The following ZNF362 variants were observed in gnomAD, a reference collection of about 807,000 sequenced individuals.
The protein encoded by ZNF362 is rotund homolog.
In ZNF362, 11 loss-of-function variants were observed where a neutral mutation model predicts 42.9. The observed-to-expected ratio is 0.26, with a 90% CI of 0.16 to 0.42. ZNF362 has a LOEUF of 0.42. ZNF362 is among the 20% of genes least tolerant of loss of function. The pLI is 1.00. For synonymous variants in ZNF362, 255 were observed against 257.3 expected (o/e 0.99, Z 0.09); for missense variants, 362 against 576.2 (o/e 0.63, Z 3.81).
the ZNF362 span, among the ~76,000 whole-genome samples, chr1:33,221,905 C>A: frequency 6.6e-6 from 1 of 152,052 alleles, no homozygotes; most frequent in African/African-American, 2.4e-5. Flanking sequence ...CTACTGTAGA[C>A]AGTTTCCTCC....
At chr1:33,274,996 A>G (rs1044795198) in intron 2 of ZNF362, 2 of 985,310 alleles carry the variant, frequency 2.0e-6, no homozygotes, top group Non-Finnish European at 2.4e-6. Context: ...CTACCATTCC[A>G]ATAGGGGTTT....
At chr1:33,175,471 A>G in the ZNF362 span, among the ~76,000 whole-genome samples, 1 of 152,208 alleles carries the variant, frequency 6.6e-6, no homozygotes, top group Non-Finnish European at 1.5e-5. Flanking sequence ...CACTGGACTG[A>G]GTCGGGAGAG....
At chr1:33,295,056 G>C in intron 7 of ZNF362, 41 bp downstream of exon 7, 1 of 1,611,168 alleles carries the variant, frequency 6.2e-7, no homozygotes. Context: ...GTGCTCTGGT[G>C]CCCCCCCACC....
At chr1:33,186,292 T>G in the ZNF362 span, among the ~76,000 whole-genome samples, 1 of 152,092 alleles carries the variant, frequency 6.6e-6, no homozygotes, top group East Asian at 1.9e-4. Flanking sequence ...TGTGCCTTTT[T>G]GTTGGTGATT....
chr1:33,191,489 TTTTTTTG>T, the ZNF362 span, among the ~76,000 whole-genome samples: 7 of 67,622 alleles, frequency 1.0e-4, no homozygotes, highest in East Asian at 4.9e-4. Context: ...TAAACATCCT[TTTTTTTG>T]TTTTTGTTTT....
chr1:33,268,466 G>A (rs1645879411), intron 1 of ZNF362, among the ~76,000 whole-genome samples: 1 of 152,214 alleles, frequency 6.6e-6, no homozygotes. Context: ...AGAGATGGAT[G>A]AGCAAACAGA....
intron 2 of ZNF362, among the ~76,000 whole-genome samples, chr1:33,275,717 C>T (rs1557791863): frequency 6.6e-6 from 1 of 152,188 alleles, no homozygotes; most frequent in Non-Finnish European, 1.5e-5. Context: ...CCCAGTTTGT[C>T]TCTGGACTTG....
the ZNF362 span, among the ~76,000 whole-genome samples, chr1:33,152,250 T>C: frequency 1.3e-5 from 2 of 152,148 alleles, no homozygotes; most frequent in Non-Finnish European, 2.9e-5. Context: ...TCCCAGCATG[T>C]GGCCCCAGAA....
chr1:33,270,445 ATTATTATTG>A (rs1309968670), intron 1 of ZNF362, 33 bp from the exon 2 acceptor site: 49 of 621,858 alleles, frequency 7.9e-5, no homozygotes, highest in Admixed American at 1.3e-4. Context: ...CTTTACTATT[ATTATTATTG>A]TTATTATTGT....
At chr1:33,145,629 A>G in the ZNF362 span, 1 of 259,106 alleles carries the variant, frequency 3.9e-6, no homozygotes, top group East Asian at 1.1e-4. Flanking sequence ...TGTGTCAGAG[A>G]CCCCAAGTGC....
At chr1:33,198,390 G>T in the ZNF362 span, among the ~76,000 whole-genome samples, 1 of 152,150 alleles carries the variant, frequency 6.6e-6, no homozygotes, top group Non-Finnish European at 1.5e-5. Context: ...TCAAAGCTGG[G>T]CATGGTGGCT....
At chr1:33,176,440 T>C in the ZNF362 span, 1 of 697,854 alleles carries the variant, frequency 1.4e-6, no homozygotes, top group African/African-American at 1.7e-5. Context: ...TCCACTGCTG[T>C]CTTCTCTGGC....
At chr1:33,285,142 G>A (rs1468958355) in intron 6 of ZNF362, among the ~76,000 whole-genome samples, 2 of 152,148 alleles carry the variant, frequency 1.3e-5, no homozygotes, top group African/African-American at 2.4e-5. Context: ...AGGCTGGCAC[G>A]GTGGCTCACC....
chr1:33,138,184 G>A, the ZNF362 span, among the ~76,000 whole-genome samples: 11 of 152,116 alleles, frequency 7.2e-5, no homozygotes, highest in African/African-American at 2.7e-4. Context: ...CATCTGCTGC[G>A]GCAGGTTCCC....
At chr1:33,218,227 G>A in the ZNF362 span, among the ~76,000 whole-genome samples, 1 of 152,152 alleles carries the variant, frequency 6.6e-6, no homozygotes, top group South Asian at 2.1e-4. Context: ...GATCACTCGA[G>A]TTCAGGAGTT....
rs367880803 is a variant in ZNF362 at position 33,298,977 on chromosome 1, C to G, written c.1194C>G (p.His398Gln). 4.5e-5 allele frequency: 73 copies of G among 1,613,732 alleles called. No individual in the cohort carries two copies. In the East Asian group the frequency reaches 9.4e-4, roughly 21 times the overall value. The stretch of plus-strand genomic sequence containing the variant: ...TGTCCAAACACACGGTGGTGGAGCA[C>G]CTGGTGAGCCATCACTCGCCCCAGA... ...KHMSKHTVVE[H>Q]LVSHHSPQRT... Residue 398 changes from histidine (H) to glutamine (Q), a missense_variant, in exon 9 of 9, where the codon CAC becomes CAG. Physicochemically the swap from His to Gln is conservative, Grantham distance 24. This residue lies in a region of ZNF362 where 68 missense variants were observed against 107.4 expected (regional missense o/e 0.63). Transcript: ENST00000539719.
At chr1:33,229,817 A>G in the ZNF362 span, among the ~76,000 whole-genome samples, 4 of 152,102 alleles carry the variant, frequency 2.6e-5, no homozygotes, top group Non-Finnish European at 4.4e-5. Flanking sequence ...ATTGTCTAGT[A>G]ACCCGCGTCC....
At chr1:33,262,223 C>T (rs969214676) in intron 1 of ZNF362, among the ~76,000 whole-genome samples, 2 of 150,632 alleles carry the variant, frequency 1.3e-5, no homozygotes, top group African/African-American at 4.9e-5. Flanking sequence ...ATGCATGTGG[C>T]CACAAGGGTA....
chr1:33,218,935 A>ACT, the ZNF362 span, among the ~76,000 whole-genome samples: 1,394 of 6,908 alleles, frequency 0.2, 24 homozygotes, highest in African/African-American at 0.36. Context: ...CTGGACATAC[A>ACT]CACACACACA....
Sources: gnomAD v4.1 joint callset for allele counts (sites outside exome capture counted in the v4.1 genomes callset) on GRCh38, gnomAD v4.1.1 for gene constraint, gnomAD v4.1.1 regional missense constraint, MANE v1.5 for transcripts, NCBI Gene and HGNC (gene_info 2026-07-23, HGNC 2026-07-21) for gene names.